Variants in PCDHGB1 observed in about 807,000 individuals in gnomAD.
PCDHGB1 encodes protocadherin gamma subfamily B, 1, also known as protocadherin gamma-B1.
Under a neutral mutation model 56.6 loss-of-function variants are expected in PCDHGB1, and 34 were observed. That is an observed-to-expected ratio of 0.60 (90% CI 0.46 to 0.80). The LOEUF is 0.80. Among genes scored for constraint, PCDHGB1 ranks in the 30% least tolerant of loss-of-function variants. PCDHGB1 has a pLI of 0.00. For missense variants in PCDHGB1, 1,278 were observed against 1,204.6 expected (o/e 1.06, Z -0.90); for synonymous variants, 561 against 505.9 (o/e 1.11, Z -1.46).
intron 1 of PCDHGB1, chr5:141,393,832 T>C (rs953592252): frequency 6.2e-7 from 1 of 1,613,866 alleles, no homozygotes; most frequent in African/African-American, 1.3e-5. Context: ...GTGGAAGATG[T>C]AAATGACAAT....
Position 141,478,516 on chromosome 5 carries a change from G to A in PCDHGB1, c.2410-16291G>A, listed in dbSNP as rs769702987. The A allele has an allele frequency of 4.3e-6, 7 of 1,610,992 alleles. No homozygotes were observed. In the African/African-American group the frequency reaches 8.0e-5, roughly 18 times the overall value. ...GTGATCCGGTGTTCTATAGGCAGGT[G>A]TTGGGTGCAGAGAGCGCCCCTCCCG... On this transcript the variant is annotated intron_variant, in intron 1 of 3. Transcript: ENST00000523390.
intron 1 of PCDHGB1, chr5:141,440,652 C>T (rs755275974): frequency 6.6e-6 from 1 of 152,160 alleles, no homozygotes; most frequent in Non-Finnish European, 1.5e-5. Flanking sequence ...AAAATTATCA[C>T]CTTAGCAGCA....
Position 141,417,943 on chromosome 5 carries a change from G to C in PCDHGB1, c.2409+65274G>C, listed in dbSNP as rs772925118. ...TGCTGCTGCCTTTGTTCTACCCCAC[G>C]CTGTGTGAGCCGATCCGCTACTCGA... is the stretch of plus-strand genomic sequence containing the variant. On this transcript the variant is annotated intron_variant, in intron 1 of 3. Coordinates refer to ENST00000523390, the MANE Select transcript of PCDHGB1 (RefSeq NM_018922.3). The C allele has an allele frequency of 4.1e-5, 66 of 1,613,160 alleles. 1 individual carries two copies. The highest frequency in any genetic ancestry group is 1.8e-4 in the East Asian group (8 of 44,850).
intron 1 of PCDHGB1, chr5:141,433,196 C>A (rs750657930): frequency 4.4e-6 from 7 of 1,575,116 alleles, no homozygotes; most frequent in African/African-American, 1.4e-5. Context: ...GAGTTTATAT[C>A]AAATCTTCTT....
In PCDHGB1 at chr5:141,410,525, T is replaced by G. The variant is rs6891442; in HGVS notation, c.2409+57856T>G. The G allele has an allele frequency of 1.9e-3, 3,112 of 1,613,920 alleles. 62 individuals are homozygous for G. In the African/African-American group the frequency reaches 0.034, roughly 18 times the overall value. On this transcript the variant is annotated intron_variant, in intron 1 of 3. Transcript: ENST00000523390. ...CCTAAAATGCAGTGTGCCCCTACAT[T>G]CCAATGAAGACATGGTTTGCAGTGT...
intron 1 of PCDHGB1, among the ~76,000 whole-genome samples, chr5:141,453,322 G>A (rs897661534): frequency 6.6e-6 from 1 of 151,544 alleles, no homozygotes; most frequent in Non-Finnish European, 1.5e-5. Flanking sequence ...TTTTAGAGAT[G>A]GGGTCTCACT....
At chr5:141,466,324 C>A (rs2154569179) in intron 1 of PCDHGB1, among the ~76,000 whole-genome samples, 1 of 152,218 alleles carries the variant, frequency 6.6e-6, no homozygotes, top group East Asian at 1.9e-4. Context: ...GCACATGCTA[C>A]CATGCCTGGA....
intron 1 of PCDHGB1, among the ~76,000 whole-genome samples, chr5:141,483,084 C>CA (rs898059463): frequency 8.0e-5 from 12 of 150,326 alleles, no homozygotes; most frequent in Admixed American, 2.0e-4. Context: ...GACTCCATCT[C>CA]AAAAAAAAAG....
chr5:141,476,551 C>G lies in PCDHGB1; in HGVS notation c.2410-18256C>G, dbSNP rs367700651. ...CCCAGGAAATGAAATTGGAGATTAG[C>G]GAGGCCGTGGCTCCGGGGACGCGCT... On this transcript the variant is annotated intron_variant, in intron 1 of 3. Transcript: ENST00000523390. The surrounding 1 kb of genome is among the most constrained non-coding windows in gnomAD (Gnocchi z 7.6). 128 of 1,614,078 alleles carry G rather than the reference C, an allele frequency of 7.9e-5. No homozygotes were observed. Among genetic ancestry groups the G allele is most frequent in the Non-Finnish European group, 1.0e-4 (122 of 1,180,034 alleles).
chr5:141,350,579 G>T lies in PCDHGB1; in HGVS notation c.319G>T (p.Ala107Ser), dbSNP rs1172761775. ...GTGTGCACTAGAATTCGAAACGGTC[G>T]CTGAAAACCCAATGAATGTTTTCCA... ...LECALEFETV[A>S]ENPMNVFHVV... Residue 107 changes from alanine to serine, a missense_variant, in exon 1 of 4, where the codon GCT (alanine) becomes TCT (serine). Coordinates refer to ENST00000523390, the MANE Select transcript of PCDHGB1 (RefSeq NM_018922.3). 1.9e-6 allele frequency: 3 copies of T among 1,614,024 alleles called. No homozygotes were observed. Among genetic ancestry groups the T allele is most frequent in the Admixed American group, 1.7e-5 (1 of 60,032 alleles).
chr5:141,361,470 C>T, intron 1 of PCDHGB1: 1 of 1,614,060 alleles, frequency 6.2e-7, no homozygotes, highest in Admixed American at 1.7e-5. Flanking sequence ...TCTCCGACGT[C>T]AACGATAATG....
chr5:141,393,498 C>T lies in PCDHGB1; in HGVS notation c.2409+40829C>T, dbSNP rs780199451. The T allele has an allele frequency of 3.1e-6, 5 of 1,613,952 alleles. No homozygotes were observed. The highest frequency in any genetic ancestry group is 1.6e-4 in the Middle Eastern group (1 of 6,084). ...GCCTCGCTCTAGCACAGTGCGCATC[C>T]ACGTGACAGTGTTGGATACAAATGA... On this transcript the variant is annotated intron_variant, in intron 1 of 3. Transcript: ENST00000523390.
At chr5:141,463,417 G>A (rs548514637) in intron 1 of PCDHGB1, among the ~76,000 whole-genome samples, 1 of 146,650 alleles carries the variant, frequency 6.8e-6, no homozygotes, top group South Asian at 2.2e-4. Context: ...ATCCTAGTTT[G>A]CGGATCCTCA....
chr5:141,398,936 A>G (rs1377976758), intron 1 of PCDHGB1: 2 of 1,613,962 alleles, frequency 1.2e-6, no homozygotes, highest in South Asian at 2.2e-5. Context: ...ACTGACCAAG[A>G]CGAGGGCATC....
intron 1 of PCDHGB1, chr5:141,375,626 T>C (rs1370159999): frequency 6.2e-7 from 1 of 1,614,202 alleles, no homozygotes; most frequent in South Asian, 1.1e-5. Context: ...TGGGATTCTG[T>C]ACGCCCTGCG....
intron 1 of PCDHGB1, among the ~76,000 whole-genome samples, chr5:141,470,600 G>A (rs890975756): frequency 4.6e-5 from 7 of 152,142 alleles, no homozygotes; most frequent in South Asian, 2.1e-4. Context: ...CGACCTGTGC[G>A]GGGACACAGG....
At chr5:141,360,759 T>C in intron 1 of PCDHGB1, 1 of 1,613,928 alleles carries the variant, frequency 6.2e-7, no homozygotes, top group Non-Finnish European at 8.5e-7. Context: ...ACAGTTTACA[T>C]CAATTGGTCC....
intron 1 of PCDHGB1, chr5:141,399,149 C>A: frequency 6.2e-7 from 1 of 1,613,772 alleles, no homozygotes; most frequent in Non-Finnish European, 8.5e-7. Flanking sequence ...GACAATAGCC[C>A]AGAAGTTACA....
chr5:141,361,828 C>T, intron 1 of PCDHGB1: 1 of 1,613,014 alleles, frequency 6.2e-7, no homozygotes, highest in Non-Finnish European at 8.5e-7. Flanking sequence ...GGTGCTGTAC[C>T]CCGCGCTGGG....
Sources: allele counts gnomAD v4.1 joint callset (sites outside exome capture counted in the v4.1 genomes callset), GRCh38; gene constraint gnomAD v4.1.1; non-coding constraint Gnocchi (gnomAD v3.1); transcripts MANE v1.5; gene names NCBI Gene and HGNC (gene_info 2026-07-23, HGNC 2026-07-21).